The following GRHL2 variants were observed in gnomAD, a reference collection of about 807,000 sequenced individuals.
The protein encoded by GRHL2 is grainyhead-like protein 2 homolog.
GRHL2 carries 21 observed loss-of-function variants against 83.8 expected under a neutral mutation model. The ratio of observed to expected loss-of-function variants is 0.25; its 90% CI spans 0.18 to 0.36. The LOEUF is 0.36. GRHL2 is among the 10% of genes least tolerant of loss of function. The pLI is 1.00. For missense variants in GRHL2, 623 were observed against 781.8 expected (o/e 0.80, Z 2.42); for synonymous variants, 280 against 278.9 (o/e 1.00, Z -0.04).
At chr8:101,566,588 ATAT>A (rs746928745) in intron 4 of GRHL2, among the ~76,000 whole-genome samples, 10 of 147,906 alleles carry the variant, frequency 6.8e-5, no homozygotes, top group Non-Finnish European at 1.0e-4. Context: ...AAATATAATA[ATAT>A]TATTATATAT....
chr8:101,663,131 T>G (rs58735599), intron 14 of GRHL2, among the ~76,000 whole-genome samples: 3,923 of 152,260 alleles, frequency 0.026, 144 homozygotes, highest in African/African-American at 0.089. Flanking sequence ...TCTGTAGACC[T>G]GATTACTAGA....
Position 101,605,992 on chromosome 8 carries a change from T to C in GRHL2, c.1098+6841T>C, listed in dbSNP as rs751302789. ...TTTCTTTAGTATATTTTTTCTGTTA[T>C]GAATAGTGGAGGCAATTCCTTGTTC... On this transcript the variant is annotated intron_variant, in intron 8 of 15. Transcript: ENST00000646743. 1.4e-4 allele frequency among the ~76,000 whole-genome samples: 21 copies of C among 152,362 alleles called. No individual in the cohort carries two copies. The Middle Eastern group carries it at 0.014, about 99-fold the overall frequency.
chr8:101,669,311 C>G lies in GRHL2; in HGVS notation c.*2608C>G, dbSNP rs1814157542. 3.5e-5 allele frequency: 4 copies of G among 115,692 alleles called. No individual in the cohort carries two copies. The Admixed American group carries it at 4.4e-4, about 13-fold the overall frequency. The allele number at this position is 115,692 out of a possible 1,614,324, so 7.2% of individuals were successfully genotyped here. A position where few individuals can be genotyped will look rare whatever the true frequency, so the allele number is the denominator to read the frequency against. On this transcript the variant is annotated 3_prime_UTR_variant, in exon 16 of 16. Coordinates refer to ENST00000646743, the MANE Select transcript of GRHL2 (RefSeq NM_024915.4). ...AGAACAAGACTTTTTCCTCATACAT[C>G]TCCAAATTGTTTAAACTTACTTTAT...
intron 7 of GRHL2, among the ~76,000 whole-genome samples, chr8:101,580,367 A>G (rs764860527): frequency 9.2e-5 from 14 of 152,108 alleles, no homozygotes; most frequent in Non-Finnish European, 1.8e-4. Flanking sequence ...TGCTAACTCT[A>G]ATCACTCAGC....
At position 101,549,016 on chromosome 8, in the gene GRHL2, C is replaced by T. The variant is rs200420916; in HGVS notation, c.217-3699C>T. ...TATTTAGTGAGGGCCTACTACATTCCAGGCATTGAGGACATAACCATGTAC... is the reference window on the plus strand; with the variant it reads ...TATTTAGTGAGGGCCTACTACATTCTAGGCATTGAGGACATAACCATGTAC... On this transcript the variant is annotated intron_variant, in intron 2 of 15. Transcript: ENST00000646743. Among the ~76,000 whole-genome samples the T allele has an allele frequency of 3.9e-5, 6 of 152,240 alleles. No homozygotes were observed. In the East Asian group the frequency reaches 1.2e-3, roughly 29 times the overall value.
chr8:101,562,878 T>C (rs16867827), intron 4 of GRHL2, among the ~76,000 whole-genome samples: 10,335 of 152,190 alleles, frequency 0.068, 563 homozygotes, highest in East Asian at 0.18. Flanking sequence ...GAATGTGTGG[T>C]TTTCCAGTTT....
At chr8:101,598,501 A>G (rs1481723271) in intron 7 of GRHL2, among the ~76,000 whole-genome samples, 2 of 151,790 alleles carry the variant, frequency 1.3e-5, no homozygotes, top group Non-Finnish European at 2.9e-5. Context: ...CGGCCTCCCA[A>G]AGTTCTGGGA....
At chr8:101,594,054 A>G (rs577128359) in intron 7 of GRHL2, among the ~76,000 whole-genome samples, 1 of 141,140 alleles carries the variant, frequency 7.1e-6, no homozygotes, top group South Asian at 2.5e-4. Flanking sequence ...GGACAATAAG[A>G]GTGAGAGTCT....
intron 1 of GRHL2, among the ~76,000 whole-genome samples, chr8:101,505,838 C>T (rs1810330296): frequency 3.3e-5 from 5 of 152,124 alleles, no homozygotes; most frequent in Middle Eastern, 3.2e-3. Context: ...GCAGTAGTAT[C>T]GTTATGCTTG....
chr8:101,592,385 G>A (rs547271329), intron 7 of GRHL2, among the ~76,000 whole-genome samples: 8 of 152,230 alleles, frequency 5.3e-5, no homozygotes, highest in African/African-American at 1.9e-4. Flanking sequence ...TTACAGGCAC[G>A]AGCCACCATG....
chr8:101,583,778 T>A (rs1586118555), intron 7 of GRHL2, among the ~76,000 whole-genome samples: 1 of 152,372 alleles, frequency 6.6e-6, no homozygotes, highest in East Asian at 1.9e-4. Flanking sequence ...TTCTATTTGT[T>A]ACCTTTCAAA....
chr8:101,497,765 C>T (rs1237325116), intron 1 of GRHL2, among the ~76,000 whole-genome samples: 1 of 152,174 alleles, frequency 6.6e-6, no homozygotes, highest in Admixed American at 6.5e-5. Flanking sequence ...ATAATAGATG[C>T]AATTTATATG....
chr8:101,566,110 C>T (rs370211315), intron 4 of GRHL2, among the ~76,000 whole-genome samples: 5 of 152,170 alleles, frequency 3.3e-5, no homozygotes, highest in African/African-American at 7.2e-5. Context: ...CATGGCCTCA[C>T]TTTGGATTAA....
At chr8:101,506,464 A>T (rs574521187) in intron 1 of GRHL2, among the ~76,000 whole-genome samples, 2 of 152,236 alleles carry the variant, frequency 1.3e-5, no homozygotes, top group Admixed American at 6.5e-5. Context: ...TTTTTACATC[A>T]TTCATGCCAT....
At chr8:101,505,576 TCAAAAAAAAAAAAAAAAA>T (rs1810322080) in intron 1 of GRHL2, among the ~76,000 whole-genome samples, 6 of 11,156 alleles carry the variant, frequency 5.4e-4, no homozygotes, top group African/African-American at 1.6e-3. Context: ...AAACTCTGTC[TCAAAAAAAAAAAAAAAAA>T]AAACAGTGTA....
intron 1 of GRHL2, among the ~76,000 whole-genome samples, chr8:101,507,636 T>C (rs514588): frequency 0.98 from 149,725 of 152,224 alleles, 73,717 homozygotes; most frequent in Non-Finnish European, 1. Context: ...TAGCTTTCCA[T>C]GACAATAAAT....
chr8:101,503,061 T>A (rs552956071), intron 1 of GRHL2, among the ~76,000 whole-genome samples: 5 of 152,182 alleles, frequency 3.3e-5, no homozygotes, highest in Non-Finnish European at 7.3e-5. Context: ...TTTATTTAGG[T>A]CGGGAATAAA....
chr8:101,636,921 C>T lies in GRHL2; in HGVS notation c.1510C>T (p.Arg504Ter). The T allele has an allele frequency of 1.2e-6, 2 of 1,613,464 alleles. No homozygotes were observed. The highest frequency in any genetic ancestry group is 1.7e-6 in the Non-Finnish European group (2 of 1,179,478). ...GQVYYNTDDE[R>*]EGGSVLVKRM... ...GGTGTATTACAACACGGATGATGAA[C>T]GAGAAGGGTAAGACACTCAGTTCTT... The change falls in exon 12 of 16, where the codon CGA becomes TGA. Residue 504 changes from arginine to a stop codon, truncating the protein, a stop_gained. Transcript: ENST00000646743. LOFTEE classifies it high-confidence loss of function.
intron 8 of GRHL2, among the ~76,000 whole-genome samples, chr8:101,608,717 T>C (rs1460797126): frequency 7.0e-6 from 1 of 143,730 alleles, no homozygotes; most frequent in East Asian, 2.0e-4. Context: ...CAGATTTGCT[T>C]TGTCTCTGCT....
Sources: allele counts gnomAD v4.1 joint callset (sites outside exome capture counted in the v4.1 genomes callset), GRCh38; gene constraint gnomAD v4.1.1; transcripts MANE v1.5; gene names NCBI Gene and HGNC (gene_info 2026-07-23, HGNC 2026-07-21).